GAB1: variants seen among roughly 807,000 people sequenced by gnomAD.
GAB1 encodes GRB2 associated binding protein 1, also known as GRB2-associated-binding protein 1.
Under a neutral mutation model 66.5 loss-of-function variants are expected in GAB1, and 19 were observed. That is an observed-to-expected ratio of 0.29 (90% CI 0.20 to 0.42). GAB1 has a LOEUF of 0.42. Among genes scored for constraint, GAB1 ranks in the 10% least tolerant of loss-of-function variants. The pLI is 1.00. For missense variants in GAB1, 732 were observed against 858.5 expected (o/e 0.85, Z 1.84); for synonymous variants, 294 against 301.4 (o/e 0.98, Z 0.25).
chr4:143,349,238 C>T, intron 1 of GAB1: 14 of 610,244 alleles, frequency 2.3e-5, no homozygotes, highest in South Asian at 6.3e-5. Flanking sequence ...ATTTTTTTTT[C>T]ACGCTTAATT....
chr4:143,398,668 G>A (rs891866955), intron 1 of GAB1, among the ~76,000 whole-genome samples: 1 of 151,960 alleles, frequency 6.6e-6, no homozygotes, highest in Non-Finnish European at 1.5e-5. Context: ...GTAGGTGGGT[G>A]AGGGGGTCAT....
chr4:143,366,848 T>C, intron 1 of GAB1, among the ~76,000 whole-genome samples: 1 of 152,002 alleles, frequency 6.6e-6, no homozygotes, highest in South Asian at 2.1e-4. Flanking sequence ...AATCACATGG[T>C]CCTCAAGACC....
At chr4:143,341,520 C>T (rs1728822541) in intron 1 of GAB1, among the ~76,000 whole-genome samples, 1 of 152,238 alleles carries the variant, frequency 6.6e-6, no homozygotes, top group Non-Finnish European at 1.5e-5. Flanking sequence ...GGTGCACAAT[C>T]TCAGCAGGAG....
intron 1 of GAB1, among the ~76,000 whole-genome samples, chr4:143,351,495 C>G (rs1156879509): frequency 6.6e-6 from 1 of 152,114 alleles, no homozygotes; most frequent in Non-Finnish European, 1.5e-5. Context: ...CACCTAGGGT[C>G]TGGGGGGTTT....
intron 1 of GAB1, among the ~76,000 whole-genome samples, chr4:143,406,790 A>C (rs1432955194): frequency 6.6e-6 from 1 of 152,152 alleles, no homozygotes; most frequent in Non-Finnish European, 1.5e-5. Context: ...CCAGTTTCTC[A>C]CTTTTTCCGT....
intron 1 of GAB1, among the ~76,000 whole-genome samples, chr4:143,401,473 A>G (rs955182809): frequency 2.0e-5 from 3 of 152,224 alleles, no homozygotes; most frequent in African/African-American, 7.2e-5. Flanking sequence ...GTGATAATTA[A>G]ATATCTTAAA....
intron 1 of GAB1, among the ~76,000 whole-genome samples, chr4:143,413,848 T>TTTTTTTTTTTTTTTTTTTTGAG (rs1732530197): frequency 7.6e-6 from 1 of 130,748 alleles, no homozygotes; most frequent in African/African-American, 3.1e-5. Context: ...TTTTTTTTTT[T>TTTTTTTTTTTTTTTTTTTTGAG]GAGGAGGAGT....
chr4:143,453,065 G>C (rs17017801), intron 6 of GAB1, among the ~76,000 whole-genome samples: 1 of 151,850 alleles, frequency 6.6e-6, no homozygotes, highest in Non-Finnish European at 1.5e-5. Flanking sequence ...GTTTCTTTCC[G>C]CTTAAGTAAT....
intron 9 of GAB1, among the ~76,000 whole-genome samples, chr4:143,467,863 C>T (rs1735873520): frequency 6.6e-6 from 1 of 152,126 alleles, no homozygotes; most frequent in Non-Finnish European, 1.5e-5. Flanking sequence ...CCACGTTTAC[C>T]ATTTAGAAGC....
At chr4:143,362,796 C>T (rs1445081985) in intron 1 of GAB1, among the ~76,000 whole-genome samples, 1 of 152,128 alleles carries the variant, frequency 6.6e-6, no homozygotes, top group Non-Finnish European at 1.5e-5. Flanking sequence ...ATCTTGTGCC[C>T]ACCTCCTATC....
At chr4:143,415,872 T>C (rs1247758829) in intron 2 of GAB1, 101 bp downstream of exon 2, 3 of 904,116 alleles carry the variant, frequency 3.3e-6, no homozygotes, top group African/African-American at 1.7e-5. Flanking sequence ...CAATATAATG[T>C]TTTATTTTTA....
chr4:143,470,058 C>T lies in GAB1; in HGVS notation c.*869C>T, dbSNP rs1287371852. ...ACACTGATCAGGTTTAGACAATGAG[C>T]TTTGGTTGTGTTCTTGTTAGTCCTA... On this transcript the variant is annotated 3_prime_UTR_variant, in exon 10 of 10. Coordinates refer to ENST00000262994, the MANE Select transcript of GAB1 (RefSeq NM_002039.4). 1 of 152,354 alleles carries T rather than the reference C, an allele frequency of 6.6e-6. No homozygotes were observed. Among genetic ancestry groups the T allele is most frequent in the Non-Finnish European group, 1.5e-5 (1 of 68,026 alleles). 9.4% of individuals were successfully genotyped at this position (152,354 alleles called of 1,614,324 possible). A position where few individuals can be genotyped will look rare whatever the true frequency, so the allele number is the denominator to read the frequency against.
chr4:143,459,935 T>C (rs1353447976), intron 7 of GAB1, among the ~76,000 whole-genome samples: 1 of 152,152 alleles, frequency 6.6e-6, no homozygotes, highest in Non-Finnish European at 1.5e-5. Flanking sequence ...CTTGTGGAGA[T>C]TATTTAACCG....
At chr4:143,434,051 G>T (rs1338078442) in intron 3 of GAB1, 3 of 1,078,698 alleles carry the variant, frequency 2.8e-6, no homozygotes, top group Non-Finnish European at 3.8e-6. Flanking sequence ...TTTATAAATG[G>T]TGATCTTGCT....
chr4:143,356,675 A>G (rs1294252512), intron 1 of GAB1, among the ~76,000 whole-genome samples: 2 of 152,172 alleles, frequency 1.3e-5, no homozygotes, highest in South Asian at 2.1e-4. Flanking sequence ...TTCAGTTCAC[A>G]CAAAGAAAGG....
intron 2 of GAB1, chr4:143,424,984 C>T (rs1298025636): frequency 3.1e-6 from 2 of 650,558 alleles, no homozygotes; most frequent in African/African-American, 1.8e-5. Flanking sequence ...CCTTTCTGTG[C>T]TACCCACAGA....
At chr4:143,380,394 A>G (rs1730608291) in intron 1 of GAB1, among the ~76,000 whole-genome samples, 1 of 152,218 alleles carries the variant, frequency 6.6e-6, no homozygotes, top group African/African-American at 2.4e-5. Context: ...TTGGACATAT[A>G]TAATGGTTCA....
At chr4:143,364,753 A>C (rs930545011) in intron 1 of GAB1, among the ~76,000 whole-genome samples, 5 of 147,742 alleles carry the variant, frequency 3.4e-5, no homozygotes, top group Non-Finnish European at 7.4e-5. Flanking sequence ...TTGCTTGTTC[A>C]CTCCCCGCGT....
intron 1 of GAB1, among the ~76,000 whole-genome samples, chr4:143,385,984 T>TA (rs201589867): frequency 0.051 from 7,710 of 151,816 alleles, 272 homozygotes; most frequent in Non-Finnish European, 0.077. Flanking sequence ...TACAAAAATT[T>TA]AAAAAAAACT....
Sources: gnomAD v4.1 joint callset for allele counts (sites outside exome capture counted in the v4.1 genomes callset) on GRCh38, gnomAD v4.1.1 for gene constraint, MANE v1.5 for transcripts, NCBI Gene and HGNC (gene_info 2026-07-23, HGNC 2026-07-21) for gene names.